Variants in TENM2 observed in about 807,000 individuals in gnomAD.
TENM2 encodes teneurin-2.
Under a neutral mutation model 245.2 loss-of-function variants are expected in TENM2, and 52 were observed. The observed-to-expected ratio is 0.21, with a 90% confidence interval of 0.17 to 0.27. TENM2 has a LOEUF of 0.27. Ranked by LOEUF, TENM2 falls within the 10% of genes least tolerant of loss-of-function variation. The pLI is 1.00. For synonymous variants in TENM2, 1,363 were observed against 1,438.9 expected (o/e 0.95, Z 1.19); for missense variants, 3,046 against 3,666.8 (o/e 0.83, Z 4.37).
chr5:167,710,529 A>G (rs1398836068), intron 2 of TENM2, among the ~76,000 whole-genome samples: 3 of 152,220 alleles, frequency 2.0e-5, no homozygotes, highest in African/African-American at 7.2e-5. Flanking sequence ...ACAAGAGAGC[A>G]GAACATTCAA....
chr5:167,560,035 T>A (rs1178729271), intron 2 of TENM2, among the ~76,000 whole-genome samples: 2 of 151,996 alleles, frequency 1.3e-5, no homozygotes, highest in Non-Finnish European at 2.9e-5. Context: ...CTCAGATCCG[T>A]ACTGTTGTGC....
At chr5:167,567,990 T>A (rs1159948155) in intron 2 of TENM2, among the ~76,000 whole-genome samples, 4 of 136,054 alleles carry the variant, frequency 2.9e-5, no homozygotes, top group South Asian at 4.8e-4. Context: ...AAAAAAAAAA[T>A]ACTTCGCTCA....
intron 2 of TENM2, among the ~76,000 whole-genome samples, chr5:167,773,016 T>C (rs1763505103): frequency 6.6e-6 from 1 of 152,194 alleles, no homozygotes. Flanking sequence ...AAGATCTGTC[T>C]CTTGTGATAA....
chr5:167,401,544 A>T (rs1224068421), intron 2 of TENM2, among the ~76,000 whole-genome samples: 1 of 152,174 alleles, frequency 6.6e-6, no homozygotes, highest in Non-Finnish European at 1.5e-5. Context: ...AGGCTAACAC[A>T]CTTAGCTTAA....
intron 2 of TENM2, among the ~76,000 whole-genome samples, chr5:167,866,844 C>T (rs1212299925): frequency 2.0e-5 from 3 of 152,140 alleles, no homozygotes; most frequent in East Asian, 1.9e-4. Context: ...AGCCACTAGC[C>T]GGATGTGGCT....
At chr5:167,290,829 C>G (rs1273956275) in intron 1 of TENM2, among the ~76,000 whole-genome samples, 1 of 151,420 alleles carries the variant, frequency 6.6e-6, no homozygotes, top group Non-Finnish European at 1.5e-5. Flanking sequence ...GATACAAACA[C>G]TTTTTTTAAG....
At chr5:167,849,021 C>G (rs1770317532) in intron 2 of TENM2, among the ~76,000 whole-genome samples, 2 of 152,122 alleles carry the variant, frequency 1.3e-5, no homozygotes, top group African/African-American at 4.8e-5. Flanking sequence ...AATGGATGAT[C>G]TATCTTACAG....
chr5:168,243,161 C>T (rs1226469056), intron 25 of TENM2, among the ~76,000 whole-genome samples: 1 of 152,112 alleles, frequency 6.6e-6, no homozygotes, highest in African/African-American at 2.4e-5. Context: ...GTTGTGAGAG[C>T]CTGGGCTGAG....
intron 4 of TENM2, among the ~76,000 whole-genome samples, chr5:167,981,976 G>A (rs1407610094): frequency 1.2e-4 from 13 of 106,460 alleles, no homozygotes; most frequent in African/African-American, 1.9e-4. Context: ...CTCTGTTTCA[G>A]ACCAAAAAAA....
intron 1 of TENM2, among the ~76,000 whole-genome samples, chr5:167,365,174 T>C (rs1374094350): frequency 6.6e-6 from 1 of 152,028 alleles, no homozygotes; most frequent in African/African-American, 2.4e-5. Flanking sequence ...GAAGTAAAAT[T>C]ACACACTTCT....
intron 2 of TENM2, among the ~76,000 whole-genome samples, chr5:167,552,280 CAG>C (rs1004923314): frequency 3.9e-5 from 6 of 152,172 alleles, no homozygotes; most frequent in African/African-American, 1.4e-4. Context: ...GCACGTTAGG[CAG>C]AGTCAAGTGG....
intron 1 of TENM2, among the ~76,000 whole-genome samples, chr5:167,364,787 A>G (rs73367478): frequency 0.026 from 3,891 of 152,080 alleles, 164 homozygotes; most frequent in African/African-American, 0.088. Flanking sequence ...GCCTAATAAC[A>G]TAGTTTTACA....
At chr5:167,009,033 G>C in the TENM2 span, among the ~76,000 whole-genome samples, 1 of 152,158 alleles carries the variant, frequency 6.6e-6, no homozygotes, top group African/African-American at 2.4e-5. Flanking sequence ...TCAAGCATTT[G>C]TAAGAAATAA....
At chr5:167,616,435 T>A (rs567356209) in intron 2 of TENM2, among the ~76,000 whole-genome samples, 4 of 152,250 alleles carry the variant, frequency 2.6e-5, no homozygotes, top group Non-Finnish European at 5.9e-5. Flanking sequence ...AGATTAGGAA[T>A]GGATTAAAGG....
chr5:168,137,527 C>T (rs1755153431), intron 12 of TENM2, among the ~76,000 whole-genome samples: 1 of 152,186 alleles, frequency 6.6e-6, no homozygotes, highest in Non-Finnish European at 1.5e-5. Context: ...CATGCTATTG[C>T]ATCTGAAACA....
chr5:167,682,997 C>T (rs1421982447), intron 2 of TENM2, among the ~76,000 whole-genome samples: 7 of 152,086 alleles, frequency 4.6e-5, no homozygotes, highest in African/African-American at 7.2e-5. Flanking sequence ...GAAAAACTTT[C>T]AAATTACCTA....
chr5:167,205,652 G>A, the TENM2 span, among the ~76,000 whole-genome samples: 3 of 152,094 alleles, frequency 2.0e-5, no homozygotes, highest in Non-Finnish European at 4.4e-5. Context: ...CCCCAAATTT[G>A]CTAACAGACA....
chr5:167,731,576 A>G (rs1415197313), intron 2 of TENM2, among the ~76,000 whole-genome samples: 1 of 146,486 alleles, frequency 6.8e-6, no homozygotes, highest in Non-Finnish European at 1.5e-5. Context: ...TTTTTTTTTT[A>G]TTTAACCTAT....
At chr5:167,139,880 A>C in the TENM2 span, among the ~76,000 whole-genome samples, 1 of 152,330 alleles carries the variant, frequency 6.6e-6, no homozygotes, top group African/African-American at 2.4e-5. Context: ...ATGCTTCATG[A>C]CAGTTGGTTC....
Sources: gnomAD v4.1 joint callset for allele counts (sites outside exome capture counted in the v4.1 genomes callset) on GRCh38, gnomAD v4.1.1 for gene constraint, MANE v1.5 for transcripts, NCBI Gene and HGNC (gene_info 2026-07-23, HGNC 2026-07-21) for gene names.